RNF144A: variants seen among roughly 807,000 people sequenced by gnomAD.
The protein encoded by RNF144A is E3 ubiquitin-protein ligase RNF144A.
Under a neutral mutation model 38.7 loss-of-function variants are expected in RNF144A, and 11 were observed. The observed-to-expected ratio is 0.28, with a 90% confidence interval of 0.18 to 0.47. The LOEUF is 0.47. Among genes scored for constraint, RNF144A ranks in the 20% least tolerant of loss-of-function variants. RNF144A has a pLI of 0.99. For synonymous variants in RNF144A, 149 were observed against 143.9 expected (o/e 1.04, Z -0.25); for missense variants, 316 against 377.2 (o/e 0.84, Z 1.34).
intron 2 of RNF144A, among the ~76,000 whole-genome samples, chr2:6,947,730 G>A (rs1400346031): frequency 6.6e-6 from 1 of 152,170 alleles, no homozygotes; most frequent in Non-Finnish European, 1.5e-5. Flanking sequence ...CAAAAAAAGG[G>A]ACAGCCTCTG....
chr2:6,923,115 A>C (rs1664647150), intron 1 of RNF144A, among the ~76,000 whole-genome samples: 1 of 152,138 alleles, frequency 6.6e-6, no homozygotes, highest in Non-Finnish European at 1.5e-5. Flanking sequence ...CAGCCTCTTC[A>C]GTGAGGTCTG....
chr2:7,072,482 A>G (rs1674518742), downstream of RNF144A, among the ~76,000 whole-genome samples: 1 of 152,238 alleles, frequency 6.6e-6, no homozygotes, highest in Admixed American at 6.5e-5. Flanking sequence ...TCAGGCTTGT[A>G]GAATCCCACA....
chr2:7,058,299 C>T (rs1415445976), intron 6 of RNF144A, among the ~76,000 whole-genome samples: 1 of 138,936 alleles, frequency 7.2e-6, no homozygotes, highest in Non-Finnish European at 1.5e-5. Context: ...TGAGCTATGG[C>T]AGTCGGTTGT....
At chr2:7,048,478 G>C (rs941411299), downstream of RNF144A, among the ~76,000 whole-genome samples, 3 of 152,292 alleles carry the variant, frequency 2.0e-5, no homozygotes, top group African/African-American at 7.2e-5. Flanking sequence ...GCAGACCATG[G>C]GGCCCGGCCC....
chr2:7,075,755 A>T, the RNF144A span, among the ~76,000 whole-genome samples: 11 of 152,332 alleles, frequency 7.2e-5, no homozygotes, highest in South Asian at 2.3e-3. Context: ...CAGAAAATGG[A>T]TTAAGACATT....
intron 2 of RNF144A, among the ~76,000 whole-genome samples, chr2:6,982,825 T>C (rs1472133692): frequency 6.6e-6 from 1 of 152,248 alleles, no homozygotes; most frequent in East Asian, 1.9e-4. Context: ...ATTGGGATTC[T>C]TCGGGTTTCT....
intron 2 of RNF144A, among the ~76,000 whole-genome samples, chr2:6,942,001 CA>C (rs1190779634): frequency 6.6e-6 from 1 of 152,220 alleles, no homozygotes. Context: ...GGGTTTTAAG[CA>C]GAGAAGCAGG....
At chr2:6,920,126 T>C (rs1373724918) in intron 1 of RNF144A, among the ~76,000 whole-genome samples, 1 of 152,212 alleles carries the variant, frequency 6.6e-6, no homozygotes, top group Admixed American at 6.5e-5. Context: ...GGTTGGGAGC[T>C]ACAAGCTACG....
rs1673125466 is a variant in RNF144A, at chr2:7,042,772, T to G, written c.*3012T>G. 1 of 985,382 alleles carries G rather than the reference T, an allele frequency of 1.0e-6. No homozygotes were observed. The highest frequency in any genetic ancestry group is 4.7e-5 in the South Asian group (1 of 21,296). 61.0% of individuals were successfully genotyped at this position (985,382 alleles called of 1,614,324 possible). A position where few individuals can be genotyped will look rare whatever the true frequency, so the allele number is the denominator to read the frequency against. ...TTAGGATCTGAGATAAAGCATCGGA[T>G]TGCAGGAATAACTGTCCAAATTAGT... On this transcript the variant is annotated 3_prime_UTR_variant, in exon 9 of 9. Coordinates refer to ENST00000320892, the MANE Select transcript of RNF144A (RefSeq NM_014746.6).
chr2:7,003,055 T>C (rs941325649), intron 3 of RNF144A, among the ~76,000 whole-genome samples: 3 of 150,272 alleles, frequency 2.0e-5, no homozygotes, highest in Non-Finnish European at 4.4e-5. Flanking sequence ...ATTAAATACA[T>C]ATATACACAC....
intron 6 of RNF144A, chr2:7,068,107 A>G: frequency 1.9e-6 from 1 of 528,390 alleles, no homozygotes; most frequent in Non-Finnish European, 3.4e-6. Flanking sequence ...TCCCTGTTGC[A>G]AAATCCCTTT....
In RNF144A at chr2:7,040,362, T is replaced by C. The variant is rs1672972566; in HGVS notation, c.*602T>C. On this transcript the variant is annotated 3_prime_UTR_variant, in exon 9 of 9. Coordinates refer to ENST00000320892, the MANE Select transcript of RNF144A (RefSeq NM_014746.6). The stretch of plus-strand genomic sequence containing the variant: ...TATAGTTAAACGACTTTTCAGGAGA[T>C]TTAGAAAGCCTTATGCACTCTTTGT... 2 of 985,562 alleles carry C rather than the reference T, an allele frequency of 2.0e-6. No homozygotes were observed. Among genetic ancestry groups the C allele is most frequent in the Non-Finnish European group, 2.4e-6 (2 of 829,992 alleles). 61.1% of individuals were successfully genotyped at this position (985,562 alleles called of 1,614,324 possible).
At chr2:6,994,403 A>G (rs3771993) in intron 2 of RNF144A, among the ~76,000 whole-genome samples, 37,210 of 152,134 alleles carry the variant, frequency 0.24, 5,674 homozygotes, top group Non-Finnish European at 0.35. Context: ...TAAAAAAATT[A>G]TTAAGTATTA....
At chr2:6,936,398 C>T (rs1489219007) in intron 1 of RNF144A, among the ~76,000 whole-genome samples, 1 of 152,074 alleles carries the variant, frequency 6.6e-6, no homozygotes, top group Non-Finnish European at 1.5e-5. Flanking sequence ...TCTATAGATG[C>T]ATGTGTGTGT....
At chr2:7,018,591 C>T (rs1390059412) in intron 5 of RNF144A, among the ~76,000 whole-genome samples, 2 of 152,266 alleles carry the variant, frequency 1.3e-5, no homozygotes, top group African/African-American at 2.4e-5. Flanking sequence ...TCTGCCCCCA[C>T]ACATGTGACC....
At chr2:7,028,256 A>G (rs2103442203) in intron 7 of RNF144A, among the ~76,000 whole-genome samples, 1 of 152,316 alleles carries the variant, frequency 6.6e-6, no homozygotes, top group African/African-American at 2.4e-5. Flanking sequence ...ATGAAAGAGG[A>G]TGTGAACTCA....
At chr2:7,008,040 C>T (rs780106397) in intron 3 of RNF144A, among the ~76,000 whole-genome samples, 1 of 152,206 alleles carries the variant, frequency 6.6e-6, no homozygotes, top group Non-Finnish European at 1.5e-5. Flanking sequence ...ACAGTCTCCA[C>T]GTCAGTGTCT....
At chr2:7,069,288 T>C (rs955345451), downstream of RNF144A, among the ~76,000 whole-genome samples, 11 of 152,234 alleles carry the variant, frequency 7.2e-5, no homozygotes, top group Non-Finnish European at 1.6e-4. Context: ...ACTGGCTGTT[T>C]CATCTGTGTG....
At position 7,040,380 on chromosome 2, in the gene RNF144A, C is replaced by G. The variant is rs1193232409; in HGVS notation, c.*620C>G. ...CAGGAGATTTAGAAAGCCTTATGCA[C>G]TCTTTGTGTTTTTCTTGAAACTTGC... is the stretch of plus-strand genomic sequence containing the variant. On this transcript the variant is annotated 3_prime_UTR_variant, in exon 9 of 9. Coordinates refer to ENST00000320892, the MANE Select transcript of RNF144A (RefSeq NM_014746.6). The G allele has an allele frequency of 1.0e-6, 1 of 985,326 alleles. No individual in the cohort carries two copies. The highest frequency in any genetic ancestry group is 1.2e-6 in the Non-Finnish European group (1 of 829,892). 61.0% of individuals were successfully genotyped at this position (985,326 alleles called of 1,614,324 possible). A position where few individuals can be genotyped will look rare whatever the true frequency, so the allele number is the denominator to read the frequency against.
Sources: gnomAD v4.1 joint callset for allele counts (sites outside exome capture counted in the v4.1 genomes callset) on GRCh38, gnomAD v4.1.1 for gene constraint, MANE v1.5 for transcripts, NCBI Gene and HGNC (gene_info 2026-07-23, HGNC 2026-07-21) for gene names.